Variants in TSC22D1 observed in about 807,000 individuals in gnomAD.
TSC22D1 encodes the protein TSC22 domain family member 1.
TSC22D1 carries 9 observed loss-of-function variants against 74.2 expected under a neutral mutation model. That is an observed-to-expected ratio of 0.12 (90% CI 0.07 to 0.21). The LOEUF (loss-of-function observed/expected upper bound fraction) is 0.21, where lower values mean the gene tolerates loss of function less well. TSC22D1 is among the 10% of genes least tolerant of loss of function. The pLI, the probability that TSC22D1 is intolerant of heterozygous loss-of-function variation, is 1.00. For missense variants in TSC22D1, 1,427 were observed against 1,304.7 expected (o/e 1.09, Z -1.44); for synonymous variants, 586 against 492.5 (o/e 1.19, Z -2.51).
intron 1 of TSC22D1, among the ~76,000 whole-genome samples, chr13:44,438,219 T>C (rs937511998): frequency 1.3e-5 from 2 of 152,196 alleles, no homozygotes; most frequent in Non-Finnish European, 2.9e-5. Flanking sequence ...TACAAAGTAC[T>C]TGGGGAGACC....
intron 1 of TSC22D1, among the ~76,000 whole-genome samples, chr13:44,440,019 T>TTA (rs1354880834): frequency 1.3e-5 from 2 of 152,144 alleles, no homozygotes; most frequent in African/African-American, 4.8e-5. Flanking sequence ...AAATCACTGC[T>TTA]GTCTAAGGAC....
At chr13:44,552,307 G>T (rs984663769) in intron 1 of TSC22D1, among the ~76,000 whole-genome samples, 1 of 152,112 alleles carries the variant, frequency 6.6e-6, no homozygotes, top group Non-Finnish European at 1.5e-5. Context: ...TGTTCAATTG[G>T]CTCCTTTACT....
intron 1 of TSC22D1, among the ~76,000 whole-genome samples, chr13:44,543,056 C>A (rs1219149180): frequency 6.6e-6 from 1 of 152,022 alleles, no homozygotes; most frequent in Admixed American, 6.5e-5. Flanking sequence ...GATCTATTAA[C>A]CTACCAGTAC....
chr13:44,537,135 A>G (rs1331898640), intron 1 of TSC22D1: 2 of 889,742 alleles, frequency 2.2e-6, no homozygotes, highest in Non-Finnish European at 2.7e-6. Context: ...ATTAGATTTC[A>G]AATTATCACA....
intron 1 of TSC22D1, among the ~76,000 whole-genome samples, chr13:44,548,975 A>G (rs1469898034): frequency 6.6e-6 from 1 of 152,198 alleles, no homozygotes; most frequent in South Asian, 2.1e-4. Flanking sequence ...TATAAGCATG[A>G]TTAAAATAAT....
chr13:44,456,086 C>T lies in TSC22D1; in HGVS notation c.2913-19991G>A, dbSNP rs142703303. Among the ~76,000 whole-genome samples the T allele has an allele frequency of 4.9e-4, 74 of 152,226 alleles. No individual in the cohort carries two copies. The East Asian group carries it at 0.014, about 29-fold the overall frequency. Reference sequence around the variant, plus strand: ...AATTGTATCTGGAATTGGTTCCTTCCCGTGGGTTGTTGGTCTCGCTGACTT... The same window carrying T: ...AATTGTATCTGGAATTGGTTCCTTCTCGTGGGTTGTTGGTCTCGCTGACTT... On this transcript the variant is annotated intron_variant, in intron 1 of 2. Coordinates refer to ENST00000458659, the MANE Select transcript of TSC22D1 (RefSeq NM_183422.4).
intron 1 of TSC22D1, among the ~76,000 whole-genome samples, chr13:44,491,202 T>A (rs1273973143): frequency 6.6e-6 from 1 of 150,812 alleles, no homozygotes; most frequent in African/African-American, 2.4e-5. Context: ...TCACAGAGAA[T>A]GTGAAAAGGC....
intron 1 of TSC22D1, among the ~76,000 whole-genome samples, chr13:44,523,372 T>C (rs1880404056): frequency 6.6e-6 from 1 of 152,148 alleles, no homozygotes; most frequent in South Asian, 2.1e-4. Context: ...TATTCAGAAC[T>C]GCCAAAAACA....
At chr13:44,493,848 C>A (rs1878831775) in intron 1 of TSC22D1, among the ~76,000 whole-genome samples, 1 of 152,140 alleles carries the variant, frequency 6.6e-6, no homozygotes. Context: ...GTATTCAAGG[C>A]CATCTGTCAA....
In TSC22D1 at chr13:44,573,339, A is replaced by C. The variant is rs758587889; in HGVS notation, c.2736T>G (p.Asp912Glu). 2 of 1,614,272 alleles carry C rather than the reference A, an allele frequency of 1.2e-6. No individual in the cohort carries two copies. The highest frequency in any genetic ancestry group is 3.3e-5 in the Admixed American group (2 of 60,030). Residue 912 changes from aspartate to glutamate, a missense_variant, in exon 1 of 3, where the codon GAT (aspartate) becomes GAG (glutamate). Asp to Glu is a conservative substitution (Grantham distance 45, BLOSUM62 2). This residue lies in a region of TSC22D1 where 1,343 missense variants were observed against 1,191.5 expected (regional missense o/e 1.13). Coordinates refer to ENST00000458659, the MANE Select transcript of TSC22D1 (RefSeq NM_183422.4). ...AGGAGGGCTCCGCTGCACGCCTGGCATCTTCAATTTGGCTTCCAATTGCCT... is the reference window on the plus strand; with the variant it reads ...AGGAGGGCTCCGCTGCACGCCTGGCCTCTTCAATTTGGCTTCCAATTGCCT... ...LAQAIGSQIE[D>E]ARRAAEPSLV...
chr13:44,545,510 G>A (rs573120390), intron 1 of TSC22D1, among the ~76,000 whole-genome samples: 2 of 147,916 alleles, frequency 1.4e-5, no homozygotes, highest in East Asian at 4.0e-4. Flanking sequence ...TGTCTTCTTC[G>A]TCTTGCTAGC....
chr13:44,550,816 T>A (rs1207016943), intron 1 of TSC22D1, among the ~76,000 whole-genome samples: 2 of 151,520 alleles, frequency 1.3e-5, no homozygotes, highest in African/African-American at 2.4e-5. Context: ...GTGGCACACA[T>A]CTGTGGTCCC....
chr13:44,438,258 T>C (rs1023747570), intron 1 of TSC22D1, among the ~76,000 whole-genome samples: 1 of 152,180 alleles, frequency 6.6e-6, no homozygotes, highest in Non-Finnish European at 1.5e-5. Flanking sequence ...AATTGTGTCA[T>C]CACAAATAAT....
At chr13:44,435,454 G>A (rs1475123903) in intron 2 of TSC22D1, among the ~76,000 whole-genome samples, 2 of 152,224 alleles carry the variant, frequency 1.3e-5, no homozygotes, top group Non-Finnish European at 1.5e-5. Context: ...AGTGGGCAGA[G>A]AATCCCGTGA....
intron 1 of TSC22D1, among the ~76,000 whole-genome samples, chr13:44,520,111 T>C (rs1880240283): frequency 6.6e-6 from 1 of 152,080 alleles, no homozygotes; most frequent in Non-Finnish European, 1.5e-5. Flanking sequence ...TAAACACGAG[T>C]CATCTGTGTG....
chr13:44,571,281 CTTA>C (rs1367371127), intron 1 of TSC22D1, among the ~76,000 whole-genome samples: 1 of 152,064 alleles, frequency 6.6e-6, no homozygotes, highest in Non-Finnish European at 1.5e-5. Flanking sequence ...TAATTTCCAC[CTTA>C]TTATTCCTTT....
chr13:44,575,966 T>C lies in TSC22D1; in HGVS notation c.109A>G (p.Ser37Gly). The change falls in exon 1 of 3, where the codon AGC (serine) becomes GGC (glycine). Residue 37 changes from serine to glycine, a missense_variant. Coordinates refer to ENST00000458659, the MANE Select transcript of TSC22D1 (RefSeq NM_183422.4). ...CCTGCTGCATTGAGAGCAGAGGCGC[T>C]GCCACTACCGCTGCCCCTTCGAGGG... ...MFPRRGSGSG[S>G]ASALNAAGTG... 6.2e-7 allele frequency: 1 copy of C among 1,606,694 alleles called. No homozygotes were observed. Among genetic ancestry groups the C allele is most frequent in the Non-Finnish European group, 8.5e-7 (1 of 1,176,710 alleles).
chr13:44,471,740 G>C (rs1345550202), intron 1 of TSC22D1, among the ~76,000 whole-genome samples: 1 of 152,104 alleles, frequency 6.6e-6, no homozygotes, highest in Non-Finnish European at 1.5e-5. Flanking sequence ...AGTCTCCTTT[G>C]ACAAATAAAA....
rs200216977 is a variant in TSC22D1, at chr13:44,574,977, G to T, written c.1098C>A (p.Gly366=). 2 of 1,614,068 alleles carry T rather than the reference G, an allele frequency of 1.2e-6. No homozygotes were observed. Among genetic ancestry groups the T allele is most frequent in the Non-Finnish European group, 1.7e-6 (2 of 1,180,036 alleles). ...AGGAAGAAATAGTACCATTGCCCAT[G>T]CCACTCAAGATATTCACATTAACAC... The part of the protein sequence containing the change: ...TSGVNVNILS[G]MGNGTISSSA... Residue 366 remains glycine, a synonymous_variant, in exon 1 of 3, where the codon GGC becomes GGA. Coordinates refer to ENST00000458659, the MANE Select transcript of TSC22D1 (RefSeq NM_183422.4).
Sources: allele counts gnomAD v4.1 joint callset (sites outside exome capture counted in the v4.1 genomes callset), GRCh38; gene constraint gnomAD v4.1.1; regional missense constraint gnomAD v4.1.1; transcripts MANE v1.5; gene names NCBI Gene and HGNC (gene_info 2026-07-23, HGNC 2026-07-21).